Variants in SNTG1 observed in about 807,000 individuals in gnomAD.
The protein encoded by SNTG1 is syntrophin gamma 1.
Under a neutral mutation model 74.7 loss-of-function variants are expected in SNTG1, and 39 were observed. The ratio of observed to expected loss-of-function variants is 0.52; its 90% CI spans 0.40 to 0.68. SNTG1 has a LOEUF of 0.68. Ranked by LOEUF, SNTG1 falls within the 30% of genes least tolerant of loss-of-function variation. The pLI, the probability that SNTG1 is intolerant of heterozygous loss-of-function variation, is 0.00. For synonymous variants in SNTG1, 254 were observed against 217.1 expected (o/e 1.17, Z -1.49); for missense variants, 685 against 609.5 (o/e 1.12, Z -1.30).
chr8:50,165,151 G>T (rs970361554), intron 1 of SNTG1, among the ~76,000 whole-genome samples: 2 of 152,152 alleles, frequency 1.3e-5, no homozygotes, highest in African/African-American at 2.4e-5. Context: ...CACAGGCATA[G>T]CTTTGCTTAC....
chr8:50,307,747 T>A (rs1350738135), intron 2 of SNTG1, among the ~76,000 whole-genome samples: 1 of 152,174 alleles, frequency 6.6e-6, no homozygotes, highest in Non-Finnish European at 1.5e-5. Flanking sequence ...TTTTCTTGTA[T>A]CAGCTTTATA....
At chr8:50,496,694 T>C (rs992921276) in intron 8 of SNTG1, among the ~76,000 whole-genome samples, 2 of 152,176 alleles carry the variant, frequency 1.3e-5, no homozygotes, top group Non-Finnish European at 2.9e-5. Flanking sequence ...TTAATTTCTC[T>C]TTTCTATTCT....
chr8:50,219,957 C>T (rs575717856), intron 2 of SNTG1, among the ~76,000 whole-genome samples: 1 of 152,220 alleles, frequency 6.6e-6, no homozygotes, highest in African/African-American at 2.4e-5. Context: ...TTTAATTCAC[C>T]AGGAGGGGAG....
intron 1 of SNTG1, among the ~76,000 whole-genome samples, chr8:49,933,830 G>C (rs1807807204): frequency 2.0e-5 from 3 of 152,144 alleles, no homozygotes; most frequent in Admixed American, 2.0e-4. Flanking sequence ...TAATTCATGT[G>C]ATGCATATTT....
At chr8:50,261,278 C>A (rs575218393) in intron 2 of SNTG1, among the ~76,000 whole-genome samples, 1 of 152,184 alleles carries the variant, frequency 6.6e-6, no homozygotes, top group South Asian at 2.1e-4. Flanking sequence ...AAAATGAATT[C>A]TCATCGATTT....
At chr8:49,979,391 G>T (rs1271455312) in intron 1 of SNTG1, among the ~76,000 whole-genome samples, 1 of 152,220 alleles carries the variant, frequency 6.6e-6, no homozygotes, top group Non-Finnish European at 1.5e-5. Context: ...AACAGCTTTT[G>T]TATGTCCTGT....
chr8:50,515,563 T>C (rs551356064), intron 9 of SNTG1, among the ~76,000 whole-genome samples: 1 of 152,202 alleles, frequency 6.6e-6, no homozygotes, highest in Non-Finnish European at 1.5e-5. Flanking sequence ...CTTGAAATTC[T>C]CGCTGCCAGA....
At position 49,941,163 on chromosome 8, in the gene SNTG1, AG is replaced by A. The variant is rs527326009; in HGVS notation, c.-103+28938del. ...AACGCAAGAGTGGGTGGTTTCACAA[AG>A]GGGGGTTTCCCTTTGACCCTTTCCC... is the stretch of plus-strand genomic sequence containing the variant. On this transcript the variant is annotated intron_variant, in intron 1 of 18. Transcript: ENST00000642720. 4.4e-3 allele frequency among the ~76,000 whole-genome samples: 667 copies of A among 152,180 alleles called. 8 individuals carry two copies. The highest frequency in any genetic ancestry group is 4.7e-3 in the Non-Finnish European group (318 of 68,014).
intron 13 of SNTG1, among the ~76,000 whole-genome samples, chr8:50,651,270 A>G (rs1403263898): frequency 6.8e-6 from 1 of 146,712 alleles, no homozygotes; most frequent in African/African-American, 2.5e-5. Flanking sequence ...TATCTCTCAT[A>G]CTTTCTCTCT....
At chr8:50,355,427 C>T (rs2091791025) in intron 2 of SNTG1, among the ~76,000 whole-genome samples, 1 of 152,016 alleles carries the variant, frequency 6.6e-6, no homozygotes. Flanking sequence ...ACCACCCCTG[C>T]CTAAATTTGA....
chr8:50,453,835 T>TCACA (rs749599816), intron 8 of SNTG1, among the ~76,000 whole-genome samples: 1 of 151,372 alleles, frequency 6.6e-6, no homozygotes, highest in Non-Finnish European at 1.5e-5. Context: ...CCCTGGGGGG[T>TCACA]CACACACAGA....
intron 1 of SNTG1, among the ~76,000 whole-genome samples, chr8:50,041,345 T>A (rs993185634): frequency 6.6e-6 from 1 of 152,206 alleles, no homozygotes; most frequent in Non-Finnish European, 1.5e-5. Context: ...TCCCAGTTGA[T>A]GAGTTTTTGA....
At chr8:49,948,713 A>T (rs1013578765) in intron 1 of SNTG1, among the ~76,000 whole-genome samples, 3 of 152,136 alleles carry the variant, frequency 2.0e-5, no homozygotes, top group Non-Finnish European at 2.9e-5. Flanking sequence ...TTCTTGGCTC[A>T]TTCATGATTG....
At chr8:50,430,108 T>A (rs1229867952) in intron 4 of SNTG1, among the ~76,000 whole-genome samples, 1 of 152,166 alleles carries the variant, frequency 6.6e-6, no homozygotes, top group Non-Finnish European at 1.5e-5. Flanking sequence ...TGCCATAAAA[T>A]GCTTGCACAT....
intron 2 of SNTG1, among the ~76,000 whole-genome samples, chr8:50,240,723 C>T (rs544852147): frequency 1.3e-5 from 2 of 152,054 alleles, no homozygotes; most frequent in Non-Finnish European, 2.9e-5. Context: ...CTGACTCATT[C>T]CCTCACCCAT....
intron 2 of SNTG1, among the ~76,000 whole-genome samples, chr8:50,197,311 C>T (rs970655941): frequency 2.0e-5 from 3 of 152,144 alleles, no homozygotes; most frequent in African/African-American, 7.2e-5. Context: ...CATTCAAATA[C>T]ATTCCTGTAA....
intron 18 of SNTG1, among the ~76,000 whole-genome samples, chr8:50,786,837 A>T (rs923710915): frequency 4.6e-5 from 7 of 152,152 alleles, no homozygotes; most frequent in African/African-American, 1.4e-4. Context: ...AAAATTACTT[A>T]AAAATGAATC....
intron 1 of SNTG1, among the ~76,000 whole-genome samples, chr8:50,150,737 A>G (rs2082038902): frequency 6.6e-6 from 1 of 152,186 alleles, no homozygotes; most frequent in South Asian, 2.1e-4. Context: ...ATGTTGAACC[A>G]GACTTGCATC....
chr8:50,375,891 C>G (rs760094207), intron 2 of SNTG1, among the ~76,000 whole-genome samples: 8 of 151,946 alleles, frequency 5.3e-5, no homozygotes, highest in Non-Finnish European at 1.0e-4. Flanking sequence ...AGCAACTTTA[C>G]GAAGAACAGT....
Sources: gnomAD v4.1 joint callset for allele counts (sites outside exome capture counted in the v4.1 genomes callset) on GRCh38, gnomAD v4.1.1 for gene constraint, MANE v1.5 for transcripts, NCBI Gene and HGNC (gene_info 2026-07-23, HGNC 2026-07-21) for gene names.